C12orf56: variants seen among roughly 807,000 people sequenced by gnomAD.
C12orf56 encodes chromosome 12 open reading frame 56, also known as uncharacterized protein C12orf56.
In C12orf56, 71 loss-of-function variants were observed where a neutral mutation model predicts 69.9. The observed-to-expected ratio is 1.02, with a 90% CI of 0.84 to 1.24. The LOEUF (loss-of-function observed/expected upper bound fraction) is 1.24, where lower values mean the gene tolerates loss of function less well. Ranked by LOEUF, C12orf56 falls within the 50% of genes most tolerant of loss-of-function variation. The probability of loss-of-function intolerance (pLI) is 0.00; values close to 1 mark genes in which losing one functional copy is unlikely to be tolerated. For missense variants in C12orf56, 732 were observed against 738.5 expected (o/e 0.99, Z 0.10); for synonymous variants, 276 against 274.1 (o/e 1.01, Z -0.07).
chr12:64,390,229 C>T (rs779059651), intron 1 of C12orf56, 85 bp downstream of exon 1: 9 of 1,465,884 alleles, frequency 6.1e-6, no homozygotes, highest in African/African-American at 4.2e-5. Flanking sequence ...GGCAGCCCTC[C>T]CCGCGCAGGA....
chr12:64,388,819 T>A (rs1056639515), intron 1 of C12orf56, among the ~76,000 whole-genome samples: 1 of 152,196 alleles, frequency 6.6e-6, no homozygotes, highest in Non-Finnish European at 1.5e-5. Context: ...ATGGTGCCAC[T>A]GCACTCCAGC....
intron 2 of C12orf56, among the ~76,000 whole-genome samples, chr12:64,332,839 C>CA: frequency 6.6e-6 from 1 of 152,260 alleles, no homozygotes; most frequent in East Asian, 1.9e-4. Context: ...GCTTAGACCC[C>CA]AGAACAGGCA....
intron 2 of C12orf56, chr12:64,338,699 G>A: frequency 6.5e-7 from 1 of 1,550,302 alleles, no homozygotes; most frequent in Middle Eastern, 1.9e-4. Context: ...TTCTGCCTTT[G>A]CATCTATTCC....
At chr12:64,380,102 C>A (rs1490978024) in intron 1 of C12orf56, among the ~76,000 whole-genome samples, 3 of 49,346 alleles carry the variant, frequency 6.1e-5, no homozygotes, top group African/African-American at 1.1e-4. Flanking sequence ...AAGACTCCGT[C>A]GCAAAAAAAA....
intron 1 of C12orf56, among the ~76,000 whole-genome samples, chr12:64,380,496 G>C (rs2039706100): frequency 6.6e-6 from 1 of 152,148 alleles, no homozygotes; most frequent in Admixed American, 6.6e-5. Context: ...GAGAGGCAAG[G>C]TCCTACTCCC....
At chr12:64,335,498 T>C (rs1020861132) in intron 2 of C12orf56, among the ~76,000 whole-genome samples, 9 of 152,008 alleles carry the variant, frequency 5.9e-5, no homozygotes, top group African/African-American at 2.2e-4. Flanking sequence ...GCATTGTTCA[T>C]TTAGAGTTTA....
intron 6 of C12orf56, among the ~76,000 whole-genome samples, chr12:64,298,252 T>A (rs1592430486): frequency 6.6e-6 from 1 of 152,210 alleles, no homozygotes; most frequent in East Asian, 1.9e-4. Flanking sequence ...GTAAATTTGT[T>A]TACGTCCTTT....
At chr12:64,390,259 C>T (rs1423512170) in intron 1 of C12orf56, 55 bp downstream of exon 1, 25 of 1,528,396 alleles carry the variant, frequency 1.6e-5, no homozygotes, top group African/African-American at 6.9e-5. Context: ...TTGGGGGCCC[C>T]AGCCGGGAGT....
intron 2 of C12orf56, among the ~76,000 whole-genome samples, chr12:64,343,970 G>A (rs2039108337): frequency 6.6e-6 from 1 of 152,052 alleles, no homozygotes; most frequent in Admixed American, 6.6e-5. Flanking sequence ...GATGAGTCCA[G>A]GGGCCCACTG....
chr12:64,314,406 T>A (rs1177342046), intron 4 of C12orf56, among the ~76,000 whole-genome samples: 3 of 152,216 alleles, frequency 2.0e-5, no homozygotes, highest in South Asian at 2.1e-4. Context: ...ATCAATTCTT[T>A]TAATGATTAT....
intron 2 of C12orf56, among the ~76,000 whole-genome samples, chr12:64,349,483 C>G (rs2135947197): frequency 6.6e-6 from 1 of 152,296 alleles, no homozygotes; most frequent in Middle Eastern, 3.4e-3. Flanking sequence ...ATAGAACTAC[C>G]ATTAGATCCA....
At chr12:64,350,013 A>G (rs2135947709) in intron 2 of C12orf56, among the ~76,000 whole-genome samples, 1 of 151,146 alleles carries the variant, frequency 6.6e-6, no homozygotes, top group South Asian at 2.1e-4. Context: ...AATTGCTTGA[A>G]CCCAGGAGGT....
At chr12:64,307,368 CTTTTTTTT>C (rs748644044) in intron 5 of C12orf56, among the ~76,000 whole-genome samples, 5 of 115,250 alleles carry the variant, frequency 4.3e-5, no homozygotes, top group Middle Eastern at 9.4e-3. Flanking sequence ...ATAGTCAGTC[CTTTTTTTT>C]TTTTTTTTTT....
At chr12:64,286,745 G>T (rs1301671688) in intron 6 of C12orf56, among the ~76,000 whole-genome samples, 1 of 152,080 alleles carries the variant, frequency 6.6e-6, no homozygotes, top group East Asian at 1.9e-4. Flanking sequence ...TTCCTCTATT[G>T]TTCGTTTTTT....
intron 6 of C12orf56, among the ~76,000 whole-genome samples, chr12:64,292,661 C>CTCGGGGG: frequency 3.6e-5 from 1 of 27,474 alleles, no homozygotes; most frequent in African/African-American, 6.4e-5. Context: ...AGTTAGGCTG[C>CTCGGGGG]TCGGGGGTCA....
At chr12:64,339,839 G>A (rs1227909208) in intron 2 of C12orf56, among the ~76,000 whole-genome samples, 3 of 152,242 alleles carry the variant, frequency 2.0e-5, no homozygotes, top group African/African-American at 7.2e-5. Flanking sequence ...GGAATTACAA[G>A]TGTGAGCCAC....
intron 5 of C12orf56, among the ~76,000 whole-genome samples, chr12:64,304,334 C>T (rs545579910): frequency 2.0e-5 from 3 of 152,136 alleles, no homozygotes; most frequent in Non-Finnish European, 4.4e-5. Context: ...ATGAGATCAG[C>T]CTAGCTGGAA....
chr12:64,300,955 G>T (rs2038436503), intron 6 of C12orf56, among the ~76,000 whole-genome samples: 2 of 152,172 alleles, frequency 1.3e-5, no homozygotes, highest in South Asian at 4.1e-4. Flanking sequence ...GATCATGCAT[G>T]CTGTTTTCAC....
chr12:64,368,172 T>G (rs542751439), intron 1 of C12orf56, among the ~76,000 whole-genome samples: 132 of 152,164 alleles, frequency 8.7e-4, no homozygotes, highest in Non-Finnish European at 1.6e-3. Context: ...AGCGCAATCA[T>G]GGCTACTGCA....
Sources: allele counts gnomAD v4.1 joint callset (sites outside exome capture counted in the v4.1 genomes callset), GRCh38; gene constraint gnomAD v4.1.1; transcripts MANE v1.5; gene names NCBI Gene and HGNC (gene_info 2026-07-23, HGNC 2026-07-21).